The following CNOT1 variants were observed in gnomAD, a reference collection of about 807,000 sequenced individuals.
The protein encoded by CNOT1 is CCR4-NOT transcription complex subunit 1.
Under a neutral mutation model 273.8 loss-of-function variants are expected in CNOT1, and 15 were observed. The ratio of observed to expected loss-of-function variants is 0.05; its 90% CI spans 0.04 to 0.08. The LOEUF (loss-of-function observed/expected upper bound fraction) is 0.08. CNOT1 is among the 10% of genes least tolerant of loss of function. CNOT1 has a pLI of 1.00. For synonymous variants in CNOT1, 1,022 were observed against 1,005.5 expected (o/e 1.02, Z -0.31); for missense variants, 1,644 against 2,912.2 (o/e 0.56, Z 10.02).
intron 1 of CNOT1, among the ~76,000 whole-genome samples, chr16:58,629,314 T>C (rs1247116001): frequency 6.6e-6 from 1 of 152,058 alleles, no homozygotes; most frequent in Non-Finnish European, 1.5e-5. Context: ...ACTGCAACCA[T>C]CAGGGAGCAG....
intron 15 of CNOT1, 80 bp downstream of exon 15, chr16:58,574,926 AC>A: frequency 6.3e-7 from 1 of 1,577,132 alleles, no homozygotes; most frequent in Non-Finnish European, 8.6e-7. Context: ...TTACTGCTGC[AC>A]AAATTTTAAA....
In CNOT1 at chr16:58,623,941, G is replaced by A. The variant is rs1022151841; in HGVS notation, c.-175+5787C>T. Among the ~76,000 whole-genome samples, 8 of 151,934 alleles carry A rather than the reference G, an allele frequency of 5.3e-5. No individual in the cohort carries two copies. In the South Asian group the frequency reaches 1.7e-3, roughly 32 times the overall value. ...AGCGATAGAGGTTGCAGCAAGCCTAGATCGTGCCACTGCACTCCAGCCTGG... is the reference window on the plus strand; with the variant it reads ...AGCGATAGAGGTTGCAGCAAGCCTAAATCGTGCCACTGCACTCCAGCCTGG... On this transcript the variant is annotated intron_variant, in intron 1 of 48. Coordinates refer to ENST00000317147, the MANE Select transcript of CNOT1 (RefSeq NM_016284.5).
rs1478133765 is a variant in CNOT1 at position 58,599,486 on chromosome 16, T to A, written c.-149A>T. On this transcript the variant is annotated 5_prime_UTR_variant, in exon 2 of 49. Coordinates refer to ENST00000317147, the MANE Select transcript of CNOT1 (RefSeq NM_016284.5). Reference sequence around the variant, plus strand: ...ATCTTCAGTTCTTCTTTACCAGGGGTCTTACTCTGTTCTGAAACATGGCAC... The same window carrying A: ...ATCTTCAGTTCTTCTTTACCAGGGGACTTACTCTGTTCTGAAACATGGCAC... 1 of 893,300 alleles carries A rather than the reference T, an allele frequency of 1.1e-6. No homozygotes were observed. Among genetic ancestry groups the A allele is most frequent in the African/African-American group, 1.7e-5 (1 of 59,384 alleles). 55.3% of individuals were successfully genotyped at this position (893,300 alleles called of 1,614,324 possible). A position where few individuals can be genotyped will look rare whatever the true frequency, so the allele number is the denominator to read the frequency against.
At chr16:58,528,925 G>A (rs1160812058) in intron 43 of CNOT1, among the ~76,000 whole-genome samples, 3 of 148,704 alleles carry the variant, frequency 2.0e-5, no homozygotes, top group African/African-American at 2.5e-5. Flanking sequence ...TGATGTAAGC[G>A]TCTATCTTCA....
intron 21 of CNOT1, 25 bp downstream of exon 21, chr16:58,555,226 C>A: frequency 6.2e-7 from 1 of 1,610,246 alleles, no homozygotes; most frequent in Non-Finnish European, 8.5e-7. Flanking sequence ...GGAAGAGATC[C>A]TTCACAGGAA....
At chr16:58,600,627 T>C (rs982644124) in intron 1 of CNOT1, among the ~76,000 whole-genome samples, 3 of 152,164 alleles carry the variant, frequency 2.0e-5, no homozygotes, top group East Asian at 3.9e-4. Flanking sequence ...TTTTAGGTAT[T>C]TGAATGGCTG....
intron 1 of CNOT1, among the ~76,000 whole-genome samples, chr16:58,629,009 G>A (rs908783055): frequency 6.6e-6 from 1 of 152,270 alleles, no homozygotes; most frequent in Non-Finnish European, 1.5e-5. Context: ...TGGGTGAGCA[G>A]GACCGCCACT....
chr16:58,533,132 T>C (rs2039820549), intron 40 of CNOT1: 1 of 152,308 alleles, frequency 6.6e-6, no homozygotes. Context: ...TAAGGCACTA[T>C]ATTCTAAGAC....
chr16:58,543,549 T>A lies in CNOT1; in HGVS notation c.4434+58A>T, dbSNP rs757274512. 1.4e-4 allele frequency: 220 copies of A among 1,611,470 alleles called. No individual in the cohort carries two copies. Among genetic ancestry groups the A allele is most frequent in the Non-Finnish European group, 1.8e-4 (210 of 1,179,002 alleles). ...TGCCATATATAGACAAAGAAAAAAA[T>A]TATTACAGACAAGCAGTAATACGTT... On this transcript the variant is annotated intron_variant, in intron 31 of 48. Transcript: ENST00000317147.
chr16:58,528,462 G>T lies in CNOT1; in HGVS notation c.6453+13C>A. On this transcript the variant is annotated intron_variant, in intron 44 of 48. Transcript: ENST00000317147. Reference sequence around the variant, plus strand: ...TAAGACATAAGTTTTCCTTTAACTAGTTGGAACCTTACCTTTAGATTAGGA... The same window carrying T: ...TAAGACATAAGTTTTCCTTTAACTATTTGGAACCTTACCTTTAGATTAGGA... 5.0e-6 allele frequency: 8 copies of T among 1,601,104 alleles called. No homozygotes were observed. Among genetic ancestry groups the T allele is most frequent in the Non-Finnish European group, 6.0e-6 (7 of 1,169,634 alleles).
chr16:58,627,342 G>A (rs1298717049), intron 1 of CNOT1, among the ~76,000 whole-genome samples: 1 of 131,474 alleles, frequency 7.6e-6, no homozygotes, highest in Non-Finnish European at 1.5e-5. Context: ...GGCAAAGGTT[G>A]CAGTGAACCG....
chr16:58,561,364 T>G (rs1407441557), intron 16 of CNOT1, among the ~76,000 whole-genome samples: 1 of 152,182 alleles, frequency 6.6e-6, no homozygotes, highest in Non-Finnish European at 1.5e-5. Context: ...AAACATTCCA[T>G]AGCTTCAACC....
At position 58,546,828 on chromosome 16, in the gene CNOT1, TA is replaced by T. The variant is rs1380369212; in HGVS notation, c.3751-80del. On this transcript the variant is annotated intron_variant, in intron 27 of 48. Coordinates refer to ENST00000317147, the MANE Select transcript of CNOT1 (RefSeq NM_016284.5). ...TTATTTAAAACAATTCAATACAACATAAGGGGGTAGGGGGGAGTCAAACAAA... is the reference window on the plus strand; with the variant it reads ...TTATTTAAAACAATTCAATACAACATAGGGGGTAGGGGGGAGTCAAACAAA... 10 of 1,568,202 alleles carry T rather than the reference TA, an allele frequency of 6.4e-6. No homozygotes were observed. In the East Asian group the frequency reaches 1.4e-4, roughly 21 times the overall value.
intron 16 of CNOT1, among the ~76,000 whole-genome samples, chr16:58,573,287 C>T (rs1273261801): frequency 2.8e-5 from 4 of 145,146 alleles, no homozygotes; most frequent in Non-Finnish European, 6.0e-5. Context: ...GCCTGGGCAA[C>T]AAGAGTGAAA....
chr16:58,561,580 C>G (rs980497290), intron 16 of CNOT1, among the ~76,000 whole-genome samples: 1 of 152,096 alleles, frequency 6.6e-6, no homozygotes, highest in Non-Finnish European at 1.5e-5. Flanking sequence ...GACAATTAAA[C>G]CAATTTTCCT....
intron 17 of CNOT1, chr16:58,559,983 T>C: frequency 8.0e-7 from 1 of 1,245,170 alleles, no homozygotes; most frequent in Non-Finnish European, 1.1e-6. Flanking sequence ...CCTCTTCATT[T>C]ACCTAAATAA....
chr16:58,554,338 C>G (rs2040556540), intron 21 of CNOT1, among the ~76,000 whole-genome samples: 1 of 152,080 alleles, frequency 6.6e-6, no homozygotes, highest in South Asian at 2.1e-4. Context: ...GGGAAGGGGA[C>G]TAACTACAAA....
At chr16:58,527,187 G>A (rs920871110) in intron 44 of CNOT1, among the ~76,000 whole-genome samples, 22 of 152,050 alleles carry the variant, frequency 1.4e-4, no homozygotes, top group African/African-American at 5.1e-4. Flanking sequence ...CGAAAATATG[G>A]GGGGTGAAGG....
In CNOT1 at chr16:58,530,684, T is replaced by A. The variant is rs563324979; in HGVS notation, c.6178-337A>T. The stretch of plus-strand genomic sequence containing the variant: ...CTATAATCCCAGCTACTCTGGAGGC[T>A]GAGGCACGAGAATTGCTTCAACCTG... On this transcript the variant is annotated intron_variant, in intron 42 of 48. Coordinates refer to ENST00000317147, the MANE Select transcript of CNOT1 (RefSeq NM_016284.5). The A allele has an allele frequency of 1.2e-4, 20 of 160,944 alleles. No homozygotes were observed. In the South Asian group the frequency reaches 3.7e-3, roughly 30 times the overall value. The allele number at this position is 160,944 out of a possible 1,614,324, so 10.0% of individuals were successfully genotyped here. A position where few individuals can be genotyped will look rare whatever the true frequency, so the allele number is the denominator to read the frequency against.
Sources: gnomAD v4.1 joint callset for allele counts (sites outside exome capture counted in the v4.1 genomes callset) on GRCh38, gnomAD v4.1.1 for gene constraint, MANE v1.5 for transcripts, NCBI Gene and HGNC (gene_info 2026-07-23, HGNC 2026-07-21) for gene names.